AMY2B: variants seen among roughly 807,000 people sequenced by gnomAD.
AMY2B encodes amylase alpha 2B, also known as alpha-amylase 2B.
A neutral mutation model predicts 59.3 loss-of-function variants in AMY2B; 63 were observed. The observed-to-expected ratio is 1.06, with a 90% confidence interval of 0.87 to 1.31. The LOEUF (loss-of-function observed/expected upper bound fraction) is 1.31, where lower values mean the gene tolerates loss of function less well. Ranked by LOEUF, AMY2B falls within the 50% of genes most tolerant of loss-of-function variation. AMY2B has a pLI of 0.00. For synonymous variants in AMY2B, 180 were observed against 198.1 expected, an observed-to-expected ratio of 0.91 and a Z score of 0.77; for missense variants, 635 against 626.7, an observed-to-expected ratio of 1.01 and a Z score of -0.14.
chr1:103,558,375 C>T (rs867691635), intron 1 of AMY2B, among the ~76,000 whole-genome samples: 1 of 152,156 alleles, frequency 6.6e-6, no homozygotes, highest in African/African-American at 2.4e-5. Context: ...ACAGCCACAA[C>T]ATTTCCTTAA....
At position 103,579,395 on chromosome 1, in the gene AMY2B, C is replaced by A; in HGVS notation, c.1431C>A (p.Cys477Ter). 6.2e-7 allele frequency: 1 copy of A among 1,611,778 alleles called. No homozygotes were observed. Among genetic ancestry groups the A allele is most frequent in the Non-Finnish European group, 8.5e-7 (1 of 1,179,714 alleles). The change falls in exon 10 of 10, where the codon TGC becomes TGA. Residue 477 changes from cysteine to a stop codon, truncating the protein, a stop_gained. Coordinates refer to ENST00000684275, the MANE Select transcript of AMY2B (RefSeq NM_001387437.1). LOFTEE classifies it low-confidence loss of function (END_TRUNC). ...VISGDKINGN[C>*]TGIKIYVSDD... ...CTGGAGATAAAATTAATGGCAATTG[C>A]ACAGGCATTAAAATCTACGTTTCTG...
intron 1 of AMY2B, among the ~76,000 whole-genome samples, chr1:103,557,947 A>G (rs1651612283): frequency 6.6e-6 from 1 of 152,146 alleles, no homozygotes; most frequent in Non-Finnish European, 1.5e-5. Flanking sequence ...AGCTCTATAT[A>G]TTGTATTTTT....
upstream of AMY2B, chr1:103,570,814 G>T (rs147998703): frequency 6.8e-6 from 3 of 441,696 alleles, no homozygotes; most frequent in Admixed American, 5.1e-5. Context: ...TTTAAAGCTT[G>T]TATCTGATAT....
chr1:103,573,613 C>T (rs1471899814), intron 3 of AMY2B, 95 bp from the exon 4 acceptor site: 1 of 1,552,986 alleles, frequency 6.4e-7, no homozygotes, highest in Non-Finnish European at 8.8e-7. Flanking sequence ...TATAGAATAT[C>T]TCTTGAGGAA....
chr1:103,578,271 C>A (rs1049192094), intron 9 of AMY2B, among the ~76,000 whole-genome samples: 2 of 152,108 alleles, frequency 1.3e-5, no homozygotes. Context: ...TCAATGACTG[C>A]TCTATGTAGT....
intron 1 of AMY2B, among the ~76,000 whole-genome samples, chr1:103,561,562 C>T (rs1651736465): frequency 6.6e-6 from 1 of 151,970 alleles, no homozygotes; most frequent in South Asian, 2.1e-4. Flanking sequence ...CAGCCCTATG[C>T]CAATCGGGTC....
chr1:103,578,378 G>C (rs959244769), intron 9 of AMY2B, among the ~76,000 whole-genome samples: 1 of 152,036 alleles, frequency 6.6e-6, no homozygotes. Context: ...TTAATGATTG[G>C]CTTCAGGGGA....
upstream of AMY2B, among the ~76,000 whole-genome samples, chr1:103,566,840 G>C (rs572702514): frequency 9.9e-4 from 150 of 152,206 alleles, no homozygotes; most frequent in African/African-American, 3.4e-3. Flanking sequence ...CTAATATAGA[G>C]TTCATTGATT....
chr1:103,560,263 T>A (rs1651692500), intron 1 of AMY2B, among the ~76,000 whole-genome samples: 1 of 152,162 alleles, frequency 6.6e-6, no homozygotes, highest in Admixed American at 6.5e-5. Flanking sequence ...TTTAAACATG[T>A]TATAAGGTGA....
intron 9 of AMY2B, among the ~76,000 whole-genome samples, chr1:103,578,947 A>G (rs1273389552): frequency 6.6e-6 from 1 of 152,160 alleles, no homozygotes; most frequent in Non-Finnish European, 1.5e-5. Flanking sequence ...GCACATGTAT[A>G]CTTATGTAAC....
At chr1:103,571,563 A>G (rs762017783), upstream of AMY2B, 24 of 1,601,578 alleles carry the variant, frequency 1.5e-5, no homozygotes, top group Non-Finnish European at 1.9e-5. Context: ...ACAGGAATAT[A>G]AATAGTTTCT....
At chr1:103,569,488 A>G (rs986031166), upstream of AMY2B, 1 of 228,724 alleles carries the variant, frequency 4.4e-6, no homozygotes, top group Admixed American at 5.4e-5. Flanking sequence ...AAAACCAGTC[A>G]CCTCTGCCAG....
At position 103,563,481 on chromosome 1, in the gene AMY2B, G is replaced by T. The variant is rs186427799; in HGVS notation, c.-206-1954G>T. On this transcript the variant is annotated intron_variant, in intron 1 of 11. Transcript: ENST00000361355. ...GAAGATGCTAAGAATTGTTTGTGCAGATTTTTATTTCAGAAGACATAAATA... is the reference window on the plus strand; with the variant it reads ...GAAGATGCTAAGAATTGTTTGTGCATATTTTTATTTCAGAAGACATAAATA... Among the ~76,000 whole-genome samples, 327 of 152,138 alleles carry T rather than the reference G, an allele frequency of 2.1e-3. 2 individuals are homozygous for T. The highest frequency in any genetic ancestry group is 3.6e-3 in the Non-Finnish European group (242 of 67,922).
At chr1:103,574,032 A>G in intron 4 of AMY2B, 94 bp downstream of exon 4, 2 of 1,594,124 alleles carry the variant, frequency 1.3e-6, no homozygotes, top group Non-Finnish European at 1.7e-6. Flanking sequence ...TAGGATAAGG[A>G]CTGAGTCATT....
At chr1:103,572,833 GT>G (rs1440126991) in intron 2 of AMY2B, among the ~76,000 whole-genome samples, 1 of 152,036 alleles carries the variant, frequency 6.6e-6, no homozygotes, top group African/African-American at 2.4e-5. Context: ...GTAGTTTCTG[GT>G]TCTCTCAATT....
intron 1 of AMY2B, among the ~76,000 whole-genome samples, chr1:103,557,645 TAA>T (rs746972250): frequency 4.9e-5 from 7 of 142,502 alleles, no homozygotes; most frequent in Admixed American, 7.0e-5. Flanking sequence ...GGAGTTAGAT[TAA>T]AAAAAAAAAA....
At chr1:103,572,878 G>C (rs1652191180) in intron 2 of AMY2B, among the ~76,000 whole-genome samples, 185 bp from the exon 3 acceptor site, 1 of 152,154 alleles carries the variant, frequency 6.6e-6, no homozygotes, top group African/African-American at 2.4e-5. Context: ...CAAGTGTCTA[G>C]AAGGCATGTA....
At chr1:103,572,000 T>C in intron 1 of AMY2B, 110 bp from the exon 2 acceptor site, 1 of 1,570,154 alleles carries the variant, frequency 6.4e-7, no homozygotes. Flanking sequence ...TTTCAAGAGA[T>C]AGCTGCATAT....
At chr1:103,578,386 G>C (rs531153966) in intron 9 of AMY2B, among the ~76,000 whole-genome samples, 33 of 151,460 alleles carry the variant, frequency 2.2e-4, no homozygotes, top group African/African-American at 7.1e-4. Flanking sequence ...TGGCTTCAGG[G>C]GATTTGAGTT....
Sources: allele counts gnomAD v4.1 joint callset (sites outside exome capture counted in the v4.1 genomes callset), GRCh38; gene constraint gnomAD v4.1.1; transcripts MANE v1.5; gene names NCBI Gene and HGNC (gene_info 2026-07-23, HGNC 2026-07-21).